The following HCN1 variants were observed in gnomAD, a reference collection of about 807,000 sequenced individuals.
HCN1 encodes the protein hyperpolarization activated cyclic nucleotide gated potassium channel 1.
A neutral mutation model predicts 78.9 loss-of-function variants in HCN1; 13 were observed. That is an observed-to-expected ratio of 0.16 (90% CI 0.11 to 0.26). HCN1 has a LOEUF of 0.26. Among genes scored for constraint, HCN1 ranks in the 10% least tolerant of loss-of-function variants. HCN1 has a pLI of 1.00. For synonymous variants in HCN1, 552 were observed against 455.5 expected (o/e 1.21, Z -2.70); for missense variants, 810 against 1,154.3 (o/e 0.70, Z 4.32).
At position 45,396,216 on chromosome 5, in the gene HCN1, C is replaced by T. The variant is rs151169024; in HGVS notation, c.1230+276G>A. 4.1e-3 allele frequency among the ~76,000 whole-genome samples: 626 copies of T among 152,202 alleles called. 1 individual carries two copies. Among genetic ancestry groups the T allele is most frequent in the African/African-American group, 0.014 (599 of 41,534 alleles). ...AATGAGCCATGATAACATCTTCTAT[C>T]AGCTTTTTACATTTTGAAATATATA... On this transcript the variant is annotated intron_variant, in intron 4 of 7. Transcript: ENST00000303230.
intron 1 of HCN1, among the ~76,000 whole-genome samples, chr5:45,671,766 A>G (rs1019421161): frequency 2.0e-5 from 3 of 151,590 alleles, no homozygotes; most frequent in African/African-American, 4.8e-5. Context: ...AAGACTGTAT[A>G]TTTTATAAGT....
intron 2 of HCN1, among the ~76,000 whole-genome samples, chr5:45,479,832 TCTC>T (rs1386816191): frequency 6.6e-6 from 1 of 152,120 alleles, no homozygotes. Context: ...AAGCAAAAGT[TCTC>T]CTCTTTATAG....
chr5:45,551,550 TTTTC>T (rs1301695263), intron 2 of HCN1, among the ~76,000 whole-genome samples: 1 of 151,916 alleles, frequency 6.6e-6, no homozygotes. Context: ...TGGATAAAAG[TTTTC>T]TTTATTTTCA....
chr5:45,267,195 A>G lies in HCN1; in HGVS notation c.1677T>C (p.Cys559=). Residue 559 remains cysteine (C), a synonymous_variant, in exon 7 of 8, where the codon TGT becomes TGC. Coordinates refer to ENST00000303230, the MANE Select transcript of HCN1 (RefSeq NM_021072.4). ...TGTCCACGGAAAGTGAGTAAAGACGACAATATGTATCAGCTCGAACACTGG... is the reference window on the plus strand; with the variant it reads ...TGTCCACGGAAAGTGAGTAAAGACGGCAATATGTATCAGCTCGAACACTGG... ...RTASVRADTY[C]RLYSLSVDNF... 1 of 1,614,062 alleles carries G rather than the reference A, an allele frequency of 6.2e-7. No individual in the cohort carries two copies. The highest frequency in any genetic ancestry group is 8.5e-7 in the Non-Finnish European group (1 of 1,179,964).
chr5:45,267,597 G>C (rs764589555), intron 6 of HCN1, among the ~76,000 whole-genome samples: 2 of 151,832 alleles, frequency 1.3e-5, no homozygotes, highest in African/African-American at 4.8e-5. Flanking sequence ...GTGAAACCCC[G>C]TCTCTACTAA....
At chr5:45,522,795 C>T (rs374094899) in intron 2 of HCN1, among the ~76,000 whole-genome samples, 10 of 151,852 alleles carry the variant, frequency 6.6e-5, no homozygotes, top group African/African-American at 1.9e-4. Flanking sequence ...AGTTGAAACA[C>T]GCTCATGTCA....
At chr5:45,621,507 G>A (rs1252895039) in intron 2 of HCN1, among the ~76,000 whole-genome samples, 1 of 151,992 alleles carries the variant, frequency 6.6e-6, no homozygotes, top group African/African-American at 2.4e-5. Flanking sequence ...ATCAGGAAAA[G>A]GTGTCCTGAA....
intron 4 of HCN1, among the ~76,000 whole-genome samples, chr5:45,382,568 G>A (rs1454748997): frequency 3.3e-5 from 5 of 151,912 alleles, no homozygotes; most frequent in African/African-American, 1.2e-4. Context: ...CTTATTAATT[G>A]ATTTTTGGTC....
intron 5 of HCN1, among the ~76,000 whole-genome samples, chr5:45,313,013 C>G (rs538607918): frequency 6.6e-5 from 10 of 152,282 alleles, no homozygotes; most frequent in Admixed American, 2.0e-4. Context: ...GCTTTGAAGA[C>G]AGTAGTGGTT....
chr5:45,665,436 C>G (rs540413241), intron 1 of HCN1, among the ~76,000 whole-genome samples: 4 of 151,944 alleles, frequency 2.6e-5, no homozygotes, highest in African/African-American at 4.8e-5. Context: ...TACCCTAAAA[C>G]TTAAAGTATA....
intron 2 of HCN1, among the ~76,000 whole-genome samples, chr5:45,493,757 C>A (rs1287105056): frequency 5.4e-5 from 8 of 148,942 alleles, no homozygotes; most frequent in African/African-American, 1.5e-4. Flanking sequence ...CACCTCCCCC[C>A]ACCCCACAAC....
At chr5:45,438,352 G>C (rs1031176484) in intron 3 of HCN1, among the ~76,000 whole-genome samples, 3 of 152,054 alleles carry the variant, frequency 2.0e-5, no homozygotes, top group African/African-American at 7.2e-5. Context: ...TGACACTTTG[G>C]GAGGCCGAGG....
chr5:45,321,800 C>G (rs1746132531), intron 5 of HCN1, among the ~76,000 whole-genome samples: 1 of 151,788 alleles, frequency 6.6e-6, no homozygotes, highest in African/African-American at 2.4e-5. Flanking sequence ...AAAAATCTTG[C>G]ATTTTATTGC....
At chr5:45,609,728 AT>A (rs1205198479) in intron 2 of HCN1, among the ~76,000 whole-genome samples, 1 of 152,088 alleles carries the variant, frequency 6.6e-6, no homozygotes, top group East Asian at 1.9e-4. Context: ...GCCCTCCAAG[AT>A]TTTTCAGTTT....
At chr5:45,557,679 T>C (rs1743499973) in intron 2 of HCN1, among the ~76,000 whole-genome samples, 2 of 152,122 alleles carry the variant, frequency 1.3e-5, no homozygotes, top group South Asian at 2.1e-4. Context: ...TTTCAAACTT[T>C]TTCTTTGTTA....
rs1450740848 is a variant in HCN1 at position 45,261,219 on chromosome 5, A to G, written c.*702T>C. Reference sequence around the variant, plus strand: ...GTTGAAAAAGTTATTTACAACTAACATTGATCGAGTCTTGGTAAAAGTCCG... The same window carrying G: ...GTTGAAAAAGTTATTTACAACTAACGTTGATCGAGTCTTGGTAAAAGTCCG... On this transcript the variant is annotated 3_prime_UTR_variant, in exon 8 of 8. Transcript: ENST00000303230. 7 of 152,696 alleles carry G rather than the reference A, an allele frequency of 4.6e-5. No homozygotes were observed. Among genetic ancestry groups the G allele is most frequent in the Non-Finnish European group, 1.0e-4 (7 of 68,044 alleles). The allele number at this position is 152,696 out of a possible 1,614,324, so 9.5% of individuals were successfully genotyped here. A position where few individuals can be genotyped will look rare whatever the true frequency, so the allele number is the denominator to read the frequency against.
intron 5 of HCN1, among the ~76,000 whole-genome samples, chr5:45,348,743 C>G (rs183912286): frequency 6.6e-6 from 1 of 152,028 alleles, no homozygotes; most frequent in Non-Finnish European, 1.5e-5. Context: ...ATAAAACAGA[C>G]GTTAAACCAA....
rs200434513 is a variant in HCN1 at position 45,446,952 on chromosome 5, A to T, written c.1011+14894T>A. ...AAAATCATTCCAAAATGTAAAGACC[A>T]TCGAGACTAGGAAGAAACTGCATCA... On this transcript the variant is annotated intron_variant, in intron 3 of 7. Transcript: ENST00000303230. Among the ~76,000 whole-genome samples the T allele has an allele frequency of 1.1e-3, 173 of 152,288 alleles. 1 individual carries two copies. The highest frequency in any genetic ancestry group is 8.1e-3 in the East Asian group (42 of 5,174).
intron 5 of HCN1, among the ~76,000 whole-genome samples, chr5:45,314,350 A>C (rs770805656): frequency 1.8e-4 from 28 of 152,164 alleles, no homozygotes; most frequent in Non-Finnish European, 3.7e-4. Flanking sequence ...CCTACAAGAG[A>C]TCCTGAAAGA....
Sources: gnomAD v4.1 joint callset for allele counts (sites outside exome capture counted in the v4.1 genomes callset) on GRCh38, gnomAD v4.1.1 for gene constraint, MANE v1.5 for transcripts, NCBI Gene and HGNC (gene_info 2026-07-23, HGNC 2026-07-21) for gene names.